Variants in RFTN2 observed in about 807,000 individuals in gnomAD.
RFTN2 encodes the protein raftlin-2.
In RFTN2, 34 loss-of-function variants were observed where a neutral mutation model predicts 52.7. The observed-to-expected ratio is 0.64, with a 90% CI of 0.49 to 0.86. The LOEUF (loss-of-function observed/expected upper bound fraction) is 0.86. Among genes scored for constraint, RFTN2 ranks in the 40% least tolerant of loss-of-function variants. RFTN2 has a pLI of 0.00. For synonymous variants in RFTN2, 203 were observed against 217.7 expected, an observed-to-expected ratio of 0.93 and a Z score of 0.59; for missense variants, 536 against 600.1, an observed-to-expected ratio of 0.89 and a Z score of 1.12.
At chr2:197,633,629 T>C (rs2088501468) in intron 4 of RFTN2, 89 bp downstream of exon 4, 1 of 975,374 alleles carries the variant, frequency 1.0e-6, no homozygotes, top group Non-Finnish European at 1.5e-6. Context: ...TTTAGCAATT[T>C]ACTTTGACTC....
intron 1 of RFTN2, among the ~76,000 whole-genome samples, chr2:197,670,496 C>A (rs943879112): frequency 6.6e-6 from 1 of 152,064 alleles, no homozygotes; most frequent in East Asian, 1.9e-4. Flanking sequence ...GGCAACATAG[C>A]AAGACCTCCA....
chr2:197,599,544 T>A (rs1221561547), intron 7 of RFTN2, among the ~76,000 whole-genome samples: 1 of 151,668 alleles, frequency 6.6e-6, no homozygotes, highest in Non-Finnish European at 1.5e-5. Context: ...AAAGGCTCGG[T>A]GGGTTGGAGG....
At chr2:197,600,925 T>C (rs1468361658) in intron 7 of RFTN2, among the ~76,000 whole-genome samples, 4 of 152,238 alleles carry the variant, frequency 2.6e-5, no homozygotes, top group African/African-American at 7.2e-5. Flanking sequence ...GAAAAAGTTC[T>C]AGTACAAACT....
chr2:197,643,786 T>C (rs944234097), intron 3 of RFTN2, among the ~76,000 whole-genome samples: 1 of 152,342 alleles, frequency 6.6e-6, no homozygotes, highest in South Asian at 2.1e-4. Flanking sequence ...CATTTTCTTT[T>C]GTTTTTTTAT....
At chr2:197,642,755 A>C (rs762160694) in intron 3 of RFTN2, among the ~76,000 whole-genome samples, 3 of 152,172 alleles carry the variant, frequency 2.0e-5, no homozygotes, top group Non-Finnish European at 4.4e-5. Flanking sequence ...AGGCCATGGC[A>C]GTAGGATCGA....
At position 197,571,937 on chromosome 2, in the gene RFTN2, A is replaced by C; in HGVS notation, c.*71T>G. ...AATATTACATAAATGCAGAGAAAGT[A>C]ATACAATAAGGTCAGTTGGCAATGA... On this transcript the variant is annotated 3_prime_UTR_variant, in exon 9 of 9. Coordinates refer to ENST00000295049, the MANE Select transcript of RFTN2 (RefSeq NM_144629.3). 1 of 1,465,486 alleles carries C rather than the reference A, an allele frequency of 6.8e-7. No individual in the cohort carries two copies. The highest frequency in any genetic ancestry group is 1.2e-5 in the South Asian group (1 of 82,808). 90.8% of individuals were successfully genotyped at this position (1,465,486 alleles called of 1,614,324 possible). A position where few individuals can be genotyped will look rare whatever the true frequency, so the allele number is the denominator to read the frequency against.
intron 8 of RFTN2, among the ~76,000 whole-genome samples, chr2:197,574,718 A>T (rs2087383692): frequency 1.3e-5 from 2 of 152,120 alleles, no homozygotes; most frequent in African/African-American, 4.8e-5. Context: ...AAATACAAAA[A>T]TTATCAGAGT....
chr2:197,613,508 G>T (rs191451847), intron 7 of RFTN2, among the ~76,000 whole-genome samples: 42 of 152,190 alleles, frequency 2.8e-4, no homozygotes, highest in African/African-American at 9.2e-4. Context: ...AAAAACTTCG[G>T]GCTCTATCCT....
intron 8 of RFTN2, among the ~76,000 whole-genome samples, chr2:197,589,826 G>A (rs1159881495): frequency 1.3e-5 from 2 of 152,032 alleles, no homozygotes; most frequent in African/African-American, 2.4e-5. Flanking sequence ...TGTTAACAGT[G>A]TCATTCACAG....
chr2:197,634,508 G>C (rs1308819283), intron 3 of RFTN2, among the ~76,000 whole-genome samples: 1 of 151,982 alleles, frequency 6.6e-6, no homozygotes, highest in Non-Finnish European at 1.5e-5. Flanking sequence ...TAAAGCACAA[G>C]CCCAATTTAT....
chr2:197,588,941 G>C (rs1467103141), intron 8 of RFTN2, among the ~76,000 whole-genome samples: 2 of 152,024 alleles, frequency 1.3e-5, no homozygotes, highest in Admixed American at 6.6e-5. Context: ...TTTAAAAATG[G>C]GGCCAGGCAC....
intron 5 of RFTN2, among the ~76,000 whole-genome samples, chr2:197,619,361 G>A (rs1227715071): frequency 1.1e-4 from 16 of 152,252 alleles, no homozygotes; most frequent in East Asian, 5.8e-4. Flanking sequence ...TGTAGAAAGA[G>A]GTAGACATGG....
intron 3 of RFTN2, among the ~76,000 whole-genome samples, chr2:197,640,207 C>G (rs1270174144): frequency 6.6e-6 from 1 of 152,206 alleles, no homozygotes; most frequent in East Asian, 1.9e-4. Context: ...TGCCCTGCCC[C>G]CAGAGGTGGA....
intron 5 of RFTN2, among the ~76,000 whole-genome samples, chr2:197,618,976 G>A (rs1159667636): frequency 3.0e-4 from 46 of 151,700 alleles, no homozygotes; most frequent in Non-Finnish European, 2.1e-4. Flanking sequence ...CCCCCCGCCC[G>A]GCCAGCCGCC....
intron 8 of RFTN2, among the ~76,000 whole-genome samples, chr2:197,584,916 T>C (rs549465406): frequency 9.9e-5 from 15 of 152,264 alleles, no homozygotes; most frequent in African/African-American, 3.6e-4. Flanking sequence ...GAAGACACCC[T>C]AGCTGGACGA....
chr2:197,624,466 C>T (rs1261177766), intron 5 of RFTN2, among the ~76,000 whole-genome samples: 2 of 151,550 alleles, frequency 1.3e-5, no homozygotes, highest in African/African-American at 4.9e-5. Flanking sequence ...GGCGTGGTGG[C>T]GTGAGCCTGT....
Position 197,633,851 on chromosome 2 carries a change from T to C in RFTN2, c.585A>G (p.Arg195=). ...CACTTAACGTCCCTTCATTCCAACT[T>C]CTACAGTTTTCATCTGAACCGTGTC... The part of the protein sequence containing the change: ...HVRHGSDENC[R]SWNEGTLSGQ... Residue 195 remains arginine (R), a synonymous_variant, in exon 4 of 9, where the codon AGA becomes AGG. Coordinates refer to ENST00000295049, the MANE Select transcript of RFTN2 (RefSeq NM_144629.3). The C allele has an allele frequency of 6.2e-7, 1 of 1,613,956 alleles. No homozygotes were observed. The highest frequency in any genetic ancestry group is 8.5e-7 in the Non-Finnish European group (1 of 1,179,906).
intron 7 of RFTN2, among the ~76,000 whole-genome samples, chr2:197,609,790 T>C (rs1258491621): frequency 1.3e-5 from 2 of 152,236 alleles, no homozygotes; most frequent in Admixed American, 1.3e-4. Flanking sequence ...GAGTTAATTT[T>C]TGTATAAGAT....
At chr2:197,579,350 C>G (rs933138860) in intron 8 of RFTN2, among the ~76,000 whole-genome samples, 1 of 152,156 alleles carries the variant, frequency 6.6e-6, no homozygotes, top group African/African-American at 2.4e-5. Context: ...CTATGGGCAA[C>G]CTTCCATCCT....
Sources: gnomAD v4.1 joint callset for allele counts (sites outside exome capture counted in the v4.1 genomes callset) on GRCh38, gnomAD v4.1.1 for gene constraint, MANE v1.5 for transcripts, NCBI Gene and HGNC (gene_info 2026-07-23, HGNC 2026-07-21) for gene names.